The following LNP1 variants were observed in gnomAD, a reference collection of about 807,000 sequenced individuals.
LNP1 encodes the protein leukemia NUP98 fusion partner 1.
LNP1 carries 12 observed loss-of-function variants against 14.5 expected under a neutral mutation model. The observed-to-expected ratio is 0.83, with a 90% CI of 0.53 to 1.34. LNP1 has a LOEUF of 1.34. Ranked by LOEUF, LNP1 falls within the 40% of genes most tolerant of loss-of-function variation. The pLI is 0.00. For missense variants in LNP1, 198 were observed against 210.9 expected (o/e 0.94, Z 0.38); for synonymous variants, 75 against 71.4 (o/e 1.05, Z -0.26).
At chr3:100,403,347 A>C (rs756352640) in intron 1 of LNP1, among the ~76,000 whole-genome samples, 5 of 152,202 alleles carry the variant, frequency 3.3e-5, no homozygotes, top group Non-Finnish European at 7.4e-5. Flanking sequence ...GAACATAGAC[A>C]TTATCTTTTT....
chr3:100,451,034 C>T (rs1707432738), intron 2 of LNP1, among the ~76,000 whole-genome samples: 1 of 152,148 alleles, frequency 6.6e-6, no homozygotes, highest in Non-Finnish European at 1.5e-5. Flanking sequence ...ATAAAGTTAG[C>T]TTATGCTGGT....
At chr3:100,443,190 A>G (rs909943206) in intron 2 of LNP1, among the ~76,000 whole-genome samples, 3 of 152,242 alleles carry the variant, frequency 2.0e-5, no homozygotes, top group Non-Finnish European at 4.4e-5. Flanking sequence ...AAAAAGAAGG[A>G]AAAAATGGAA....
Position 100,456,001 on chromosome 3 carries a change from G to GGGCTCAAA in LNP1, c.*76_*77insGCTCAAAG. On this transcript the variant is annotated 3_prime_UTR_variant, in exon 4 of 4. Transcript: ENST00000383693. Reference sequence around the variant, plus strand: ...CTTTGAGCCCCAATTCACCATTTCAGGATGTGGATGGGGGCGGGGTTGGGG... The same window carrying GGGCTCAAA: ...CTTTGAGCCCCAATTCACCATTTCAGGGCTCAAAGATGTGGATGGGGGCGGGGTTGGGG... The GGGCTCAAA allele has an allele frequency of 1.3e-6, 2 of 1,490,930 alleles. No homozygotes were observed. Among genetic ancestry groups the GGGCTCAAA allele is most frequent in the South Asian group, 2.6e-5 (2 of 76,384 alleles). The allele number at this position is 1,490,930 out of a possible 1,614,324, so 92.4% of individuals were successfully genotyped here.
intron 2 of LNP1, among the ~76,000 whole-genome samples, chr3:100,439,521 C>T (rs1441012030): frequency 6.6e-6 from 1 of 152,146 alleles, no homozygotes; most frequent in Non-Finnish European, 1.5e-5. Context: ...GAAAGCAGTC[C>T]TTGTCCTCTA....
chr3:100,437,888 C>G (rs183036911), intron 2 of LNP1, among the ~76,000 whole-genome samples: 1 of 152,232 alleles, frequency 6.6e-6, no homozygotes, highest in Non-Finnish European at 1.5e-5. Context: ...CCAGATGTCA[C>G]ATGCTTAGGC....
chr3:100,427,362 C>T (rs1707203358), intron 1 of LNP1, among the ~76,000 whole-genome samples: 1 of 152,064 alleles, frequency 6.6e-6, no homozygotes, highest in South Asian at 2.1e-4. Context: ...TTTTAGCTAC[C>T]CGTGGCCAAA....
chr3:100,414,689 G>A (rs995602104), intron 1 of LNP1, among the ~76,000 whole-genome samples: 1 of 152,210 alleles, frequency 6.6e-6, no homozygotes, highest in Admixed American at 6.5e-5. Context: ...TGCTTATGGA[G>A]GGGCCACATA....
At chr3:100,442,784 A>C (rs1264206519) in intron 2 of LNP1, among the ~76,000 whole-genome samples, 2 of 152,082 alleles carry the variant, frequency 1.3e-5, no homozygotes, top group African/African-American at 4.8e-5. Flanking sequence ...TTAAAAATAA[A>C]ATCTTTTGGA....
At chr3:100,446,287 A>G (rs1405050065) in intron 2 of LNP1, among the ~76,000 whole-genome samples, 1 of 152,240 alleles carries the variant, frequency 6.6e-6, no homozygotes, top group Non-Finnish European at 1.5e-5. Flanking sequence ...GGCCTCCGAA[A>G]TAACACCACA....
At chr3:100,433,933 T>C (rs191255888) in intron 2 of LNP1, among the ~76,000 whole-genome samples, 1 of 152,310 alleles carries the variant, frequency 6.6e-6, no homozygotes, top group East Asian at 1.9e-4. Context: ...TCTTGTAAAT[T>C]TGTTTAAGTT....
chr3:100,420,144 T>C (rs1576228473), intron 1 of LNP1, among the ~76,000 whole-genome samples: 1 of 152,240 alleles, frequency 6.6e-6, no homozygotes, highest in African/African-American at 2.4e-5. Context: ...GAACATCTTT[T>C]CCTGTACTTA....
Position 100,429,831 on chromosome 3 carries a change from G to A in LNP1, c.102G>A (p.Arg34=). 1 of 1,613,928 alleles carries A rather than the reference G, an allele frequency of 6.2e-7. No homozygotes were observed. Among genetic ancestry groups the A allele is most frequent in the Non-Finnish European group, 8.5e-7 (1 of 1,179,924 alleles). Residue 34 remains arginine, a synonymous_variant, in exon 2 of 4, where the codon CGG becomes CGA. Transcript: ENST00000383693. The part of the protein sequence containing the change: ...SWREEDQRGL[R]ERHRLQATSH... ...GAGAGGAGGATCAGAGAGGACTCCGGGAACGCCACCGACTGCAAGCCACCA... is the reference window on the plus strand; with the variant it reads ...GAGAGGAGGATCAGAGAGGACTCCGAGAACGCCACCGACTGCAAGCCACCA...
At chr3:100,430,166 G>A (rs1386677644) in intron 2 of LNP1, among the ~76,000 whole-genome samples, 4 of 152,146 alleles carry the variant, frequency 2.6e-5, no homozygotes, top group Non-Finnish European at 5.9e-5. Flanking sequence ...ATCCCACTGA[G>A]TGACGGAATT....
intron 2 of LNP1, among the ~76,000 whole-genome samples, chr3:100,446,353 G>A (rs925933128): frequency 2.0e-5 from 3 of 152,178 alleles, no homozygotes; most frequent in African/African-American, 7.2e-5. Context: ...ATGGAGAAAG[G>A]ATTCCCTATT....
At chr3:100,455,092 C>T (rs1195297055) in intron 3 of LNP1, among the ~76,000 whole-genome samples, 1 of 152,204 alleles carries the variant, frequency 6.6e-6, no homozygotes, top group Non-Finnish European at 1.5e-5. Context: ...GTCCCTATCA[C>T]TCTGTTTACA....
intron 1 of LNP1, among the ~76,000 whole-genome samples, chr3:100,419,838 T>C (rs1001574354): frequency 1.3e-5 from 2 of 152,214 alleles, no homozygotes; most frequent in African/African-American, 4.8e-5. Context: ...TGTACATTCA[T>C]GTGCAGGCTC....
intron 2 of LNP1, among the ~76,000 whole-genome samples, chr3:100,449,265 A>G (rs958306761): frequency 4.6e-5 from 7 of 152,014 alleles, no homozygotes; most frequent in African/African-American, 1.4e-4. Flanking sequence ...TTTTTTTAAT[A>G]AAGACATTTC....
At position 100,422,192 on chromosome 3, in the gene LNP1, T is replaced by TTG. The variant is rs1343353554; in HGVS notation, c.-33-7504_-33-7503insGT. ...CTGGATTGATAAAGTCTTTTTTTTT[T>TTG]TTTTTTTTTGCTATGGAGTCTTGCT... On this transcript the variant is annotated intron_variant, in intron 1 of 3. Transcript: ENST00000383693. Among the ~76,000 whole-genome samples, 636 of 150,782 alleles carry TTG rather than the reference T, an allele frequency of 4.2e-3. 3 individuals carry two copies. The highest frequency in any genetic ancestry group is 0.015 in the African/African-American group (603 of 40,932).
intron 2 of LNP1, among the ~76,000 whole-genome samples, chr3:100,445,812 AAC>A (rs1707382300): frequency 6.6e-6 from 1 of 152,174 alleles, no homozygotes; most frequent in African/African-American, 2.4e-5. Context: ...TTAACAGACA[AAC>A]AGAGAGACAA....
Sources: gnomAD v4.1 joint callset for allele counts (sites outside exome capture counted in the v4.1 genomes callset) on GRCh38, gnomAD v4.1.1 for gene constraint, MANE v1.5 for transcripts, NCBI Gene and HGNC (gene_info 2026-07-23, HGNC 2026-07-21) for gene names.